The following TBC1D8B variants were observed in gnomAD, a reference collection of about 807,000 sequenced individuals.
The protein encoded by TBC1D8B is RP11-321G1.1.
Under a neutral mutation model 82.9 loss-of-function variants are expected in TBC1D8B, and 75 were observed. The ratio of observed to expected loss-of-function variants is 0.90; its 90% CI spans 0.75 to 1.10. The LOEUF (loss-of-function observed/expected upper bound fraction) is 1.10, where lower values mean the gene tolerates loss of function less well. Among genes scored for constraint, TBC1D8B ranks in the 50% least tolerant of loss-of-function variants. The pLI is 0.00. For synonymous variants in TBC1D8B, 276 were observed against 276.8 expected, an observed-to-expected ratio of 1.00 and a Z score of 0.03; for missense variants, 794 against 796.9, an observed-to-expected ratio of 1.00 and a Z score of 0.04.
At chrX:106,863,407 G>A (rs933394924) in intron 14 of TBC1D8B, among the ~76,000 whole-genome samples, 2 of 111,056 alleles carry the variant, frequency 1.8e-5, no homozygotes, top group Non-Finnish European at 3.8e-5. Flanking sequence ...CTTTTGTTGG[G>A]TGCTCTGGTC....
intron 14 of TBC1D8B, among the ~76,000 whole-genome samples, chrX:106,854,780 G>A (rs1051354163): frequency 9.0e-6 from 1 of 111,061 alleles, no homozygotes; most frequent in African/African-American, 3.3e-5. Context: ...CCTCCCAAAG[G>A]GTTAGGATTA....
chrX:106,868,524 T>C (rs1932828224), intron 18 of TBC1D8B, 48 bp downstream of exon 18: 3 of 861,211 alleles, frequency 3.5e-6, no homozygotes, highest in Non-Finnish European at 4.5e-6. Context: ...TAGCCACCCA[T>C]AAAGATCTTG....
intron 14 of TBC1D8B, among the ~76,000 whole-genome samples, chrX:106,859,989 G>A (rs1291622043): frequency 9.0e-6 from 1 of 111,560 alleles, no homozygotes; most frequent in East Asian, 2.8e-4. Context: ...GTGATGAATT[G>A]CATTAATTGA....
chrX:106,870,754 T>C lies in TBC1D8B; in HGVS notation c.2908T>C (p.Trp970Arg), dbSNP rs753593474. The C allele has an allele frequency of 3.3e-6, 4 of 1,206,989 alleles. No individual in the cohort carries two copies. The highest frequency in any genetic ancestry group is 4.5e-6 in the Non-Finnish European group (4 of 892,707). Residue 970 changes from tryptophan (W) to arginine (R), a missense_variant, in exon 20 of 21, where the codon TGG becomes CGG. Transcript: ENST00000357242. ...KIDIQAYLSQWQDELFKKEEN... is the reference protein window; with the variant it reads ...KIDIQAYLSQRQDELFKKEEN... ...TGATATTCAAGCATATCTAAGTCAA[T>C]GGCAAGATGAGCTTTTCAAAAAAGA...
chrX:106,825,521 T>A (rs1195251352), intron 5 of TBC1D8B, among the ~76,000 whole-genome samples: 1 of 112,085 alleles, frequency 8.9e-6, no homozygotes, highest in African/African-American at 3.2e-5. Flanking sequence ...TTAGATTTTT[T>A]AAAACATTCA....
At position 106,840,131 on chromosome X, in the gene TBC1D8B, G is replaced by A. The variant is rs373426677; in HGVS notation, c.1437G>A (p.Lys479=). 15 of 1,208,773 alleles carry A rather than the reference G, an allele frequency of 1.2e-5. No individual in the cohort carries two copies. The highest frequency in any genetic ancestry group is 6.6e-5 in the Admixed American group (3 of 45,703). Residue 479 remains lysine (K), a synonymous_variant, in exon 9 of 21, where the codon AAG becomes AAA. Coordinates refer to ENST00000357242, the MANE Select transcript of TBC1D8B (RefSeq NM_017752.3). ...GRGVSMFRTK[K]TRDLVVRGIP... ...GTGTTAGTATGTTTCGAACCAAAAA[G>A]ACTCGAGATCTTGTTGTAAGAGGGA...
At chrX:106,867,651 A>C (rs1431311847) in intron 17 of TBC1D8B, among the ~76,000 whole-genome samples, 1 of 111,801 alleles carries the variant, frequency 8.9e-6, no homozygotes, top group East Asian at 2.8e-4. Context: ...GCATTGCAAA[A>C]AGTACCTTTT....
chrX:106,839,140 G>A (rs1932242913), intron 7 of TBC1D8B, among the ~76,000 whole-genome samples, 168 bp from the exon 8 acceptor site: 1 of 112,059 alleles, frequency 8.9e-6, no homozygotes, highest in African/African-American at 3.2e-5. Context: ...CATTCTAGAA[G>A]TCAGGTTGTT....
intron 14 of TBC1D8B, among the ~76,000 whole-genome samples, chrX:106,864,648 A>T (rs1932802031): frequency 9.4e-6 from 1 of 106,788 alleles, no homozygotes. Flanking sequence ...TCTCCTGAGT[A>T]GCTGCGATTA....
chrX:106,845,306 T>G (rs1298113607), intron 10 of TBC1D8B, among the ~76,000 whole-genome samples: 3 of 111,347 alleles, frequency 2.7e-5, no homozygotes, highest in Non-Finnish European at 5.7e-5. Flanking sequence ...TCTAGTCTTT[T>G]TTTTAATTAT....
intron 1 of TBC1D8B, among the ~76,000 whole-genome samples, chrX:106,804,141 A>G (rs1602399925): frequency 8.9e-6 from 1 of 112,133 alleles, no homozygotes; most frequent in East Asian, 2.8e-4. Context: ...CTAGTAAACT[A>G]GGCAAGTTAT....
chrX:106,829,241 G>A (rs1304360582), intron 7 of TBC1D8B: 35 of 108,178 alleles, frequency 3.2e-4, no homozygotes, highest in Non-Finnish European at 5.9e-4. Flanking sequence ...TACAAGGGAT[G>A]TGAAGGACCT....
chrX:106,823,827 A>T (rs1210449203), intron 5 of TBC1D8B, among the ~76,000 whole-genome samples: 2 of 111,665 alleles, frequency 1.8e-5, no homozygotes, highest in Non-Finnish European at 3.8e-5. Context: ...ATTGTTAAAC[A>T]TATTGTTTAT....
intron 14 of TBC1D8B, among the ~76,000 whole-genome samples, chrX:106,857,234 C>T (rs1932715918): frequency 9.0e-6 from 1 of 110,904 alleles, no homozygotes; most frequent in South Asian, 3.9e-4. Context: ...CTCACTGTAA[C>T]CTCCACCTCC....
chrX:106,875,551 T>G lies in TBC1D8B; in HGVS notation c.*1586T>G, dbSNP rs978305339. 8.9e-6 allele frequency: 1 copy of G among 112,321 alleles called. No individual in the cohort carries two copies. The highest frequency in any genetic ancestry group is 1.9e-5 in the Non-Finnish European group (1 of 53,254). The allele number at this position is 112,321 out of a possible 1,213,427, so 9.3% of individuals were successfully genotyped here. A position where few individuals can be genotyped will look rare whatever the true frequency, so the allele number is the denominator to read the frequency against. On this transcript the variant is annotated 3_prime_UTR_variant, in exon 21 of 21. Coordinates refer to ENST00000357242, the MANE Select transcript of TBC1D8B (RefSeq NM_017752.3). Reference sequence around the variant, plus strand: ...TCAAGGAAATTACCACTTAAAGAGATAGTTGGTAAATAAACATCTATGCCT... The same window carrying G: ...TCAAGGAAATTACCACTTAAAGAGAGAGTTGGTAAATAAACATCTATGCCT...
chrX:106,840,028 T>C lies in TBC1D8B; in HGVS notation c.1354-20T>C. On this transcript the variant is annotated intron_variant, in intron 8 of 20. Coordinates refer to ENST00000357242, the MANE Select transcript of TBC1D8B (RefSeq NM_017752.3). ...AATTTCTCACTAAATTTAGTTGTTT[T>C]GATTTTTCTGTCATTACAGTTGAAA... is the stretch of plus-strand genomic sequence containing the variant. 2 of 1,179,305 alleles carry C rather than the reference T, an allele frequency of 1.7e-6. No individual in the cohort carries two copies. The highest frequency in any genetic ancestry group is 2.3e-6 in the Non-Finnish European group (2 of 879,870).
intron 1 of TBC1D8B, chrX:106,814,870 T>C (rs1241749841): frequency 8.9e-6 from 1 of 111,980 alleles, no homozygotes; most frequent in Non-Finnish European, 1.9e-5. Context: ...GTTCATATCC[T>C]TTGCCCACTT....
intron 12 of TBC1D8B, among the ~76,000 whole-genome samples, chrX:106,851,876 T>C (rs1465113638): frequency 4.5e-5 from 5 of 111,573 alleles, no homozygotes; most frequent in Admixed American, 9.5e-5. Context: ...TATAAACATA[T>C]GTGTGCATGT....
At chrX:106,806,289 T>G (rs2147715452) in intron 1 of TBC1D8B, among the ~76,000 whole-genome samples, 1 of 112,212 alleles carries the variant, frequency 8.9e-6, no homozygotes, top group Admixed American at 9.4e-5. Flanking sequence ...TGTGGAAATT[T>G]TTGGTATACA....
Sources: gnomAD v4.1 joint callset for allele counts (sites outside exome capture counted in the v4.1 genomes callset) on GRCh38, gnomAD v4.1.1 for gene constraint, MANE v1.5 for transcripts, NCBI Gene and HGNC (gene_info 2026-07-23, HGNC 2026-07-21) for gene names.